The following BDP1 variants were observed in gnomAD, a reference collection of about 807,000 sequenced individuals.
BDP1 encodes the protein transcription factor TFIIIB component B'' homolog.
A neutral mutation model predicts 266.6 loss-of-function variants in BDP1; 169 were observed. The ratio of observed to expected loss-of-function variants is 0.63; its 90% confidence interval spans 0.56 to 0.72. The LOEUF (loss-of-function observed/expected upper bound fraction) is 0.72. BDP1 is among the 30% of genes least tolerant of loss of function. The pLI, the probability that BDP1 is intolerant of heterozygous loss-of-function variation, is 0.00. For missense variants in BDP1, 3,015 were observed against 3,053.8 expected, an observed-to-expected ratio of 0.99 and a Z score of 0.30; for synonymous variants, 1,090 against 1,022.4, an observed-to-expected ratio of 1.07 and a Z score of -1.26.
intron 16 of BDP1, among the ~76,000 whole-genome samples, chr5:71,507,706 C>CATTTTT (rs1561722960): frequency 4.6e-5 from 7 of 152,142 alleles, no homozygotes; most frequent in African/African-American, 1.7e-4. Context: ...AAATGGAATG[C>CATTTTT]GGTCCATTCA....
At chr5:71,515,942 A>T in intron 20 of BDP1, 119 bp from the exon 21 acceptor site, 1 of 645,684 alleles carries the variant, frequency 1.5e-6, no homozygotes, top group Non-Finnish European at 2.7e-6. Context: ...ATTTCCCTTT[A>T]ATGGTACAAA....
intron 30 of BDP1, 27 bp downstream of exon 30, chr5:71,542,292 C>G (rs748082613): frequency 6.4e-7 from 1 of 1,555,474 alleles, no homozygotes; most frequent in Non-Finnish European, 8.7e-7. Flanking sequence ...TAATATGTTG[C>G]AAAATCATTT....
At chr5:71,536,432 A>C (rs1401273466) in intron 26 of BDP1, among the ~76,000 whole-genome samples, 2 of 152,228 alleles carry the variant, frequency 1.3e-5, no homozygotes, top group Non-Finnish European at 2.9e-5. Flanking sequence ...CACATTAACA[A>C]AATTATTAGG....
chr5:71,534,878 T>C (rs1023074295), intron 26 of BDP1, among the ~76,000 whole-genome samples: 21 of 152,134 alleles, frequency 1.4e-4, no homozygotes, highest in Non-Finnish European at 1.6e-4. Flanking sequence ...TGATCTCAGG[T>C]GATCCACCCG....
In BDP1 at chr5:71,562,503, A is replaced by G. The variant is rs542318710; in HGVS notation, c.7726A>G (p.Ser2576Gly). 3 of 1,613,724 alleles carry G rather than the reference A, an allele frequency of 1.9e-6. No individual in the cohort carries two copies. In the East Asian group the frequency reaches 6.7e-5, roughly 36 times the overall value. The stretch of plus-strand genomic sequence containing the variant: ...TATTACTACTCAATCTGAGAATATT[A>G]GCAGCTCAGCAACTCAGGTATGTGA... The part of the protein sequence containing the change: ...SVITTQSENI[S>G]SSATQVSCDQ... Residue 2576 changes from serine to glycine, a missense_variant, in exon 38 of 39, where the codon AGC (serine) becomes GGC (glycine). Ser to Gly is a moderately conservative substitution (Grantham distance 56). Coordinates refer to ENST00000358731, the MANE Select transcript of BDP1 (RefSeq NM_018429.3).
At chr5:71,471,613 A>G (rs1002896587) in intron 7 of BDP1, among the ~76,000 whole-genome samples, 3 of 152,204 alleles carry the variant, frequency 2.0e-5, no homozygotes, top group Non-Finnish European at 2.9e-5. Context: ...AGTTACAGCT[A>G]TTATATGCCC....
the BDP1 span, among the ~76,000 whole-genome samples, chr5:71,577,549 C>CT: frequency 6.6e-6 from 1 of 150,772 alleles, no homozygotes; most frequent in East Asian, 1.9e-4. Context: ...GTGTAACCAA[C>CT]TTAGAATATA....
In BDP1 at chr5:71,497,364, C is replaced by G; in HGVS notation, c.1894C>G (p.Leu632Val). ...GTCAAGGGCTGGGAAGAAATCAGTT[C>G]TTTCACAAGGCAAAACAGAGTCAGA... ...NLSRAGKKSV[L>V]SQGKTESESK... The change falls in exon 13 of 39, where the codon CTT becomes GTT. Residue 632 changes from leucine (L) to valine (V), a missense_variant. Physicochemically the swap from Leu to Val is conservative, Grantham distance 32. Transcript: ENST00000358731. 1 of 1,613,676 alleles carries G rather than the reference C, an allele frequency of 6.2e-7. No homozygotes were observed. Among genetic ancestry groups the G allele is most frequent in the East Asian group, 2.2e-5 (1 of 44,824 alleles).
chr5:71,549,607 G>GT lies in BDP1; in HGVS notation c.6995+2dup. On this transcript the variant is annotated splice_donor_variant, in intron 34 of 38. Coordinates refer to ENST00000358731, the MANE Select transcript of BDP1 (RefSeq NM_018429.3). LOFTEE classifies it high-confidence loss of function. ...ATACCGAAGAAAGGGGTGACATGAG[G>GT]TAACGAATGAGTGAAACTGTTTTTG... 1 of 1,591,378 alleles carries GT rather than the reference G, an allele frequency of 6.3e-7. No individual in the cohort carries two copies. Among genetic ancestry groups the GT allele is most frequent in the Non-Finnish European group, 8.6e-7 (1 of 1,168,418 alleles).
At position 71,513,373 on chromosome 5, in the gene BDP1, A is replaced by G. The variant is rs746076082; in HGVS notation, c.4436A>G (p.Asn1479Ser). The G allele has an allele frequency of 6.3e-7, 1 of 1,595,862 alleles. No homozygotes were observed. The highest frequency in any genetic ancestry group is 2.2e-5 in the East Asian group (1 of 44,748). Residue 1479 changes from asparagine to serine, a missense_variant, in exon 19 of 39, where the codon AAT becomes AGT. This residue lies in a region of BDP1 where 2,383 missense variants were observed against 2,404.9 expected (regional missense o/e 0.99). Transcript: ENST00000358731. Reference sequence around the variant, plus strand: ...ATGGAGACTATTGTGATGCAAGAAAATAATGAACAAACTGATACTCTCCCT... The same window carrying G: ...ATGGAGACTATTGTGATGCAAGAAAGTAATGAACAAACTGATACTCTCCCT... The part of the protein sequence containing the change: ...KKMETIVMQE[N>S]NEQTDTLPSQ...
chr5:71,519,090 G>T (rs1265091225), intron 22 of BDP1, among the ~76,000 whole-genome samples: 4 of 151,960 alleles, frequency 2.6e-5, no homozygotes, highest in Non-Finnish European at 5.9e-5. Context: ...AAAGTGCTGG[G>T]ATTACAGGCA....
intron 19 of BDP1, among the ~76,000 whole-genome samples, chr5:71,513,944 C>T (rs1470083175): frequency 6.6e-6 from 1 of 151,618 alleles, no homozygotes; most frequent in Non-Finnish European, 1.5e-5. Context: ...AGGCTGATCT[C>T]GAACTCCTAA....
At chr5:71,526,167 G>A (rs1380558380) in intron 25 of BDP1, among the ~76,000 whole-genome samples, 5 of 152,062 alleles carry the variant, frequency 3.3e-5, no homozygotes, top group East Asian at 3.9e-4. Flanking sequence ...CTGAGTGAAC[G>A]CAACTCCGTC....
intron 7 of BDP1, among the ~76,000 whole-genome samples, chr5:71,472,110 A>G (rs760843233): frequency 4.6e-5 from 7 of 152,230 alleles, no homozygotes; most frequent in Non-Finnish European, 1.0e-4. Flanking sequence ...AAAATCATGT[A>G]TATTCTTTTC....
intron 9 of BDP1, 22 bp downstream of exon 9, chr5:71,486,649 G>T: frequency 6.7e-7 from 1 of 1,493,964 alleles, no homozygotes; most frequent in Non-Finnish European, 8.8e-7. Context: ...AAAAGGAAGT[G>T]TGATAGTTTA....
At chr5:71,473,684 ATTTAT>A (rs898389462) in intron 7 of BDP1, among the ~76,000 whole-genome samples, 1 of 151,298 alleles carries the variant, frequency 6.6e-6, no homozygotes, top group African/African-American at 2.4e-5. Context: ...TAGCTTCTTT[ATTTAT>A]TTATTATACT....
intron 26 of BDP1, among the ~76,000 whole-genome samples, chr5:71,532,807 T>C (rs753347196): frequency 6.6e-5 from 10 of 152,246 alleles, no homozygotes; most frequent in Non-Finnish European, 1.0e-4. Flanking sequence ...TTACACACCA[T>C]ATGATTTTCT....
chr5:71,489,139 A>G (rs1763438429), intron 9 of BDP1, among the ~76,000 whole-genome samples: 1 of 152,170 alleles, frequency 6.6e-6, no homozygotes, highest in South Asian at 2.1e-4. Flanking sequence ...TTTTATGTGT[A>G]TCTTGTTCTG....
At chr5:71,474,163 G>C (rs1762445367) in intron 7 of BDP1, among the ~76,000 whole-genome samples, 1 of 151,296 alleles carries the variant, frequency 6.6e-6, no homozygotes, top group African/African-American at 2.4e-5. Flanking sequence ...TGTATTTTTA[G>C]TAGAGATGGG....
Sources: allele counts gnomAD v4.1 joint callset (sites outside exome capture counted in the v4.1 genomes callset), GRCh38; gene constraint gnomAD v4.1.1; regional missense constraint gnomAD v4.1.1; transcripts MANE v1.5; gene names NCBI Gene and HGNC (gene_info 2026-07-23, HGNC 2026-07-21).